The following LRRC9 variants were observed in gnomAD, a reference collection of about 807,000 sequenced individuals.
The protein encoded by LRRC9 is leucine rich repeat containing 9, also known as leucine-rich repeat-containing protein 9.
Under a neutral mutation model 63.2 loss-of-function variants are expected in LRRC9, and 122 were observed. The ratio of observed to expected loss-of-function variants is 1.93; its 90% CI spans 1.67 to 2.24. LRRC9 has a LOEUF of 2.24. Ranked by LOEUF, LRRC9 falls within the 30% of genes most tolerant of loss-of-function variation. The pLI is 0.00. For synonymous variants in LRRC9, 366 were observed against 213.1 expected (o/e 1.72, Z -6.25); for missense variants, 1,071 against 627.7 (o/e 1.71, Z -7.55).
intron 12 of LRRC9, among the ~76,000 whole-genome samples, chr14:59,972,219 G>A (rs1314159120): frequency 1.3e-5 from 2 of 152,070 alleles, no homozygotes; most frequent in African/African-American, 4.8e-5. Context: ...CCCAACTCAA[G>A]GGTTTCTTCT....
chr14:59,972,862 T>C (rs1207642592), intron 12 of LRRC9, among the ~76,000 whole-genome samples: 2 of 152,062 alleles, frequency 1.3e-5, no homozygotes, highest in African/African-American at 4.8e-5. Flanking sequence ...ATAGTATGAG[T>C]TATATAGACA....
Position 60,008,100 on chromosome 14 carries a change from C to A in LRRC9, c.3072C>A (p.Cys1024Ter), listed in dbSNP as rs771145991. Reference sequence around the variant, plus strand: ...TGTATTTTATTACCTAGGGTTTATGCAACTTGGTCATTCTAGACATGTGTG... The same window carrying A: ...TGTATTTTATTACCTAGGGTTTATGAAACTTGGTCATTCTAGACATGTGTG... The change falls in exon 23 of 32, where the codon TGC becomes TGA. Residue 1024 changes from cysteine (C) to a stop codon, truncating the protein, a stop_gained. Coordinates refer to ENST00000445360, the Ensembl canonical transcript of LRRC9. LOFTEE classifies it high-confidence loss of function. 4.2e-5 allele frequency: 29 copies of A among 690,428 alleles called. 1 individual carries two copies. The highest frequency in any genetic ancestry group is 4.1e-4 in the South Asian group (27 of 65,272). The allele number at this position is 690,428 out of a possible 1,614,324, so 42.8% of individuals were successfully genotyped here.
At chr14:60,063,669 A>G, downstream of LRRC9, 1 of 303,470 alleles carries the variant, frequency 3.3e-6, no homozygotes, top group South Asian at 7.7e-5. Context: ...CAAAGTCCAG[A>G]GAACTGAATG....
At chr14:60,057,140 C>A (rs1342779393) in intron 30 of LRRC9, among the ~76,000 whole-genome samples, 1 of 152,096 alleles carries the variant, frequency 6.6e-6, no homozygotes, top group Non-Finnish European at 1.5e-5. Context: ...CAGAAAAGGC[C>A]TCCATCTCTA....
intron 6 of LRRC9, among the ~76,000 whole-genome samples, chr14:59,935,781 G>C (rs1046933957): frequency 2.6e-5 from 4 of 152,236 alleles, no homozygotes; most frequent in Non-Finnish European, 5.9e-5. Flanking sequence ...AGCATGTGTG[G>C]AGGCTCAAGG....
chr14:60,000,202 G>A (rs939505253), intron 19 of LRRC9, among the ~76,000 whole-genome samples: 7 of 152,102 alleles, frequency 4.6e-5, no homozygotes, highest in African/African-American at 7.2e-5. Context: ...ACATAAAACC[G>A]AATACCACAA....
chr14:59,949,679 G>C (rs1476286241), intron 8 of LRRC9, among the ~76,000 whole-genome samples: 8 of 151,306 alleles, frequency 5.3e-5, no homozygotes, highest in African/African-American at 1.7e-4. Context: ...ATGCGTCCCA[G>C]AGATTCTGGT....
In LRRC9 at chr14:60,004,098, A is replaced by G. The variant is rs1889615534; in HGVS notation, c.2842+300A>G. 6.6e-6 allele frequency among the ~76,000 whole-genome samples: 1 copy of G among 152,194 alleles called. No homozygotes were observed. Among genetic ancestry groups the G allele is most frequent in the Admixed American group, 6.5e-5 (1 of 15,290 alleles). On this transcript the variant is annotated intron_variant, in intron 21 of 31. Coordinates refer to ENST00000445360, the Ensembl canonical transcript of LRRC9. The surrounding 1 kb of genome is among the most constrained non-coding windows in gnomAD (Gnocchi z 4.8). ...AAAAAATTAAAACGAGTTCATACCT[A>G]TTAGTGGAATTCGTGACTATTTTAC... is the stretch of plus-strand genomic sequence containing the variant.
rs780766626 is a variant in LRRC9, at chr14:60,055,188, ATTAT to A, written c.4131+1987_4131+1990del. Among the ~76,000 whole-genome samples, 58 of 152,380 alleles carry A rather than the reference ATTAT, an allele frequency of 3.8e-4. 1 individual carries two copies. The highest frequency in any genetic ancestry group is 1.4e-3 in the Admixed American group (22 of 15,306). ...AAAAGTTTTACAATGTTTAAAAAAG[ATTAT>A]TTAGTTTAGGCAAAGGAAATTGATT... On this transcript the variant is annotated intron_variant, in intron 30 of 31. Coordinates refer to ENST00000445360, the Ensembl canonical transcript of LRRC9.
intron 23 of LRRC9, among the ~76,000 whole-genome samples, chr14:60,012,060 A>G (rs1440142785): frequency 6.6e-6 from 1 of 152,188 alleles, no homozygotes; most frequent in Non-Finnish European, 1.5e-5. Flanking sequence ...AATCAAAGTG[A>G]GGCTCTAATA....
chr14:59,969,982 AGTTCAGG>A (rs1440002773), intron 12 of LRRC9, among the ~76,000 whole-genome samples: 1 of 152,074 alleles, frequency 6.6e-6, no homozygotes, highest in Admixed American at 6.6e-5. Flanking sequence ...AAAACTGTTA[AGTTCAGG>A]GTTACATGTG....
intron 8 of LRRC9, among the ~76,000 whole-genome samples, chr14:59,946,578 C>A (rs1882432523): frequency 1.4e-5 from 2 of 145,864 alleles, no homozygotes; most frequent in South Asian, 4.3e-4. Context: ...CATATGTATA[C>A]ATGTGCCATG....
Position 59,944,615 on chromosome 14 carries a change from T to A in LRRC9, c.753T>A (p.Tyr251Ter), listed in dbSNP as rs762946871. The change falls in exon 8 of 32, where the codon TAT becomes TAA. Residue 251 changes from tyrosine (Y) to a stop codon, truncating the protein, a stop_gained. Transcript: ENST00000445360. LOFTEE classifies it high-confidence loss of function. ...CCACAGCAATGAAAAAAATAATGTATTATAATATGCGTATAAAAACTCTTC... is the reference window on the plus strand; with the variant it reads ...CCACAGCAATGAAAAAAATAATGTAATATAATATGCGTATAAAAACTCTTC... 32 of 628,538 alleles carry A rather than the reference T, an allele frequency of 5.1e-5. No homozygotes were observed. Among genetic ancestry groups the A allele is most frequent in the Non-Finnish European group, 8.7e-5 (31 of 356,588 alleles). 38.9% of individuals were successfully genotyped at this position (628,538 alleles called of 1,614,324 possible). A position where few individuals can be genotyped will look rare whatever the true frequency, so the allele number is the denominator to read the frequency against.
chr14:60,023,177 G>T (rs904145155), intron 27 of LRRC9, among the ~76,000 whole-genome samples: 1 of 151,958 alleles, frequency 6.6e-6, no homozygotes, highest in African/African-American at 2.4e-5. Flanking sequence ...ACCCAGAATT[G>T]TGGTAAGTAC....
At chr14:60,014,375 C>A (rs1171885887) in intron 23 of LRRC9, among the ~76,000 whole-genome samples, 1 of 151,944 alleles carries the variant, frequency 6.6e-6, no homozygotes, top group African/African-American at 2.4e-5. Flanking sequence ...TCCTGGCATT[C>A]CAAGATTCCT....
At chr14:59,945,022 G>T (rs1353822422) in intron 8 of LRRC9, among the ~76,000 whole-genome samples, 1 of 151,336 alleles carries the variant, frequency 6.6e-6, no homozygotes. Flanking sequence ...TATGAATTTT[G>T]TTTAAAAAAA....
intron 31 of LRRC9, among the ~76,000 whole-genome samples, chr14:60,061,261 G>A (rs564657051): frequency 1.7e-4 from 26 of 152,268 alleles, no homozygotes; most frequent in Middle Eastern, 3.4e-3. Context: ...GAAAGGAAGA[G>A]TTGATCTATG....
intron 17 of LRRC9, among the ~76,000 whole-genome samples, chr14:59,991,811 C>A (rs2140152166): frequency 6.6e-6 from 1 of 151,872 alleles, no homozygotes; most frequent in East Asian, 1.9e-4. Context: ...GTAAAGCAGC[C>A]CAGAAGCTCG....
In LRRC9 at chr14:59,990,821, G is replaced by T. The variant is rs566502454; in HGVS notation, c.2211+5597G>T. Among the ~76,000 whole-genome samples, 1 of 152,290 alleles carries T rather than the reference G, an allele frequency of 6.6e-6. No homozygotes were observed. Among genetic ancestry groups the T allele is most frequent in the South Asian group, 2.1e-4 (1 of 4,820 alleles). On this transcript the variant is annotated intron_variant, in intron 17 of 31. Coordinates refer to ENST00000445360, the Ensembl canonical transcript of LRRC9. This position sits in a 1 kb window ranked among gnomAD's most constrained non-coding sequence, Gnocchi z 4.2. ...TCTCCACACATTCCGGTGAATATTT[G>T]TTGACTGTTCTGGGGCTCTCCTGTT...
Sources: gnomAD v4.1 joint callset for allele counts (sites outside exome capture counted in the v4.1 genomes callset) on GRCh38, gnomAD v4.1.1 for gene constraint, Gnocchi (gnomAD v3.1) non-coding constraint, MANE v1.5 for transcripts, NCBI Gene and HGNC (gene_info 2026-07-23, HGNC 2026-07-21) for gene names.